The following ZNRF1 variants were observed in gnomAD, a reference collection of about 807,000 sequenced individuals.
ZNRF1 encodes zinc and ring finger 1, also known as E3 ubiquitin-protein ligase ZNRF1.
Under a neutral mutation model 18.4 loss-of-function variants are expected in ZNRF1, and 3 were observed. The ratio of observed to expected loss-of-function variants is 0.16; its 90% CI spans 0.07 to 0.42. The LOEUF is 0.42. Ranked by LOEUF, ZNRF1 falls within the 10% of genes least tolerant of loss-of-function variation. The probability of loss-of-function intolerance (pLI) is 0.99; values close to 1 mark genes in which losing one functional copy is unlikely to be tolerated. For missense variants in ZNRF1, 310 were observed against 329.8 expected (o/e 0.94, Z 0.47); for synonymous variants, 157 against 144.2 (o/e 1.09, Z -0.64).
chr16:75,029,980 TTGAAC>T (rs1298462334), intron 1 of ZNRF1, among the ~76,000 whole-genome samples: 1 of 151,306 alleles, frequency 6.6e-6, no homozygotes, highest in African/African-American at 2.4e-5. Flanking sequence ...GGAAGATTGC[TTGAAC>T]CCAGGAGGCA....
chr16:75,040,529 T>C (rs753940794), intron 1 of ZNRF1, among the ~76,000 whole-genome samples: 5 of 151,894 alleles, frequency 3.3e-5, no homozygotes, highest in South Asian at 2.1e-4. Context: ...ATAAATGAAA[T>C]CATACAGTAT....
At chr16:75,087,724 G>T (rs1246870268) in intron 1 of ZNRF1, among the ~76,000 whole-genome samples, 1 of 152,224 alleles carries the variant, frequency 6.6e-6, no homozygotes, top group African/African-American at 2.4e-5. Flanking sequence ...GGAACCCGGG[G>T]TACGTTCCCT....
intron 2 of ZNRF1, among the ~76,000 whole-genome samples, chr16:75,101,009 C>T (rs2036248487): frequency 6.6e-6 from 1 of 152,238 alleles, no homozygotes; most frequent in Admixed American, 6.5e-5. Flanking sequence ...TCTTGGCTCA[C>T]TGTAATCTCT....
intron 1 of ZNRF1, among the ~76,000 whole-genome samples, chr16:75,067,354 C>T (rs563419233): frequency 6.6e-6 from 1 of 152,148 alleles, no homozygotes; most frequent in African/African-American, 2.4e-5. Context: ...ACATAGACCC[C>T]ATGTCTCGAT....
chr16:75,011,971 A>G (rs761483306), intron 1 of ZNRF1, among the ~76,000 whole-genome samples: 11 of 151,738 alleles, frequency 7.2e-5, no homozygotes, highest in Non-Finnish European at 1.5e-4. Flanking sequence ...AATTTGTTTG[A>G]AAAAAAAATC....
At position 75,108,718 on chromosome 16, in the gene ZNRF1, C is replaced by T. The variant is rs180939034; in HGVS notation, c.*1018C>T. The T allele has an allele frequency of 1.2e-3, 455 of 393,724 alleles. 1 individual carries two copies. Among genetic ancestry groups the T allele is most frequent in the Non-Finnish European group, 1.7e-3 (376 of 223,478 alleles). The allele number at this position is 393,724 out of a possible 1,614,324, so 24.4% of individuals were successfully genotyped here. A position where few individuals can be genotyped will look rare whatever the true frequency, so the allele number is the denominator to read the frequency against. On this transcript the variant is annotated 3_prime_UTR_variant, in exon 5 of 5. Transcript: ENST00000335325. ...AAATGTCTAATAAAAGATGGCACTG[C>T]GTGATTTTATTTTAATGAAGTGTTA...
At chr16:75,083,360 A>T (rs946784178) in intron 1 of ZNRF1, among the ~76,000 whole-genome samples, 4 of 152,246 alleles carry the variant, frequency 2.6e-5, no homozygotes, top group African/African-American at 9.6e-5. Flanking sequence ...GTACAAGGCC[A>T]TCTGGCTAGT....
intron 1 of ZNRF1, among the ~76,000 whole-genome samples, chr16:75,064,771 C>A (rs572648894): frequency 6.6e-6 from 1 of 152,188 alleles, no homozygotes; most frequent in Non-Finnish European, 1.5e-5. Flanking sequence ...GAATGGAGAC[C>A]TTTTCAGGCT....
intron 1 of ZNRF1, among the ~76,000 whole-genome samples, chr16:75,059,366 G>C (rs996131901): frequency 1.3e-5 from 2 of 148,270 alleles, no homozygotes; most frequent in Non-Finnish European, 3.0e-5. Flanking sequence ...TCCTGCCTCA[G>C]CCTCCCAAGT....
chr16:75,008,316 T>C lies in ZNRF1; in HGVS notation c.424+8221T>C, dbSNP rs1333503445. On this transcript the variant is annotated intron_variant, in intron 1 of 4. Coordinates refer to ENST00000335325, the MANE Select transcript of ZNRF1 (RefSeq NM_032268.5). ...GGGACTAAGCATTATTGCCTACATA[T>C]AGGGCCAAGCCAATCTGCCTTGGTC... Among the ~76,000 whole-genome samples, 10 of 152,226 alleles carry C rather than the reference T, an allele frequency of 6.6e-5. No individual in the cohort carries two copies. The East Asian group carries it at 1.9e-3, about 29-fold the overall frequency.
At chr16:75,034,068 G>T (rs1163165827) in intron 1 of ZNRF1, among the ~76,000 whole-genome samples, 1 of 152,128 alleles carries the variant, frequency 6.6e-6, no homozygotes, top group Non-Finnish European at 1.5e-5. Flanking sequence ...TGAGCCAGGA[G>T]AATTGCTTGA....
At chr16:75,098,920 G>A (rs2036227587) in intron 2 of ZNRF1, among the ~76,000 whole-genome samples, 1 of 152,100 alleles carries the variant, frequency 6.6e-6, no homozygotes, top group South Asian at 2.1e-4. Context: ...TGTGTTGCCA[G>A]AACTCTGCAG....
intron 1 of ZNRF1, among the ~76,000 whole-genome samples, chr16:75,083,589 T>G (rs2036040734): frequency 1.3e-5 from 2 of 152,204 alleles, no homozygotes; most frequent in African/African-American, 2.4e-5. Context: ...ATTATTAGAT[T>G]ATCATATGGA....
intron 4 of ZNRF1, 72 bp downstream of exon 4, chr16:75,106,643 G>A: frequency 7.7e-7 from 1 of 1,293,880 alleles, no homozygotes; most frequent in East Asian, 2.4e-5. Context: ...TGCAGTTTAG[G>A]GAGCCGGGCT....
At chr16:75,103,517 A>G (rs1013902252) in intron 2 of ZNRF1, among the ~76,000 whole-genome samples, 1 of 151,826 alleles carries the variant, frequency 6.6e-6, no homozygotes, top group Non-Finnish European at 1.5e-5. Flanking sequence ...GGGCGGGGGG[A>G]AGGGGAGTGG....
chr16:75,042,551 C>T (rs1173232082), intron 1 of ZNRF1, among the ~76,000 whole-genome samples: 1 of 149,510 alleles, frequency 6.7e-6, no homozygotes, highest in African/African-American at 2.5e-5. Flanking sequence ...ATCAACTGGT[C>T]ATAAATGTAG....
chr16:75,033,811 A>G (rs2145353364), intron 1 of ZNRF1, among the ~76,000 whole-genome samples: 1 of 152,276 alleles, frequency 6.6e-6, no homozygotes, highest in Non-Finnish European at 1.5e-5. Context: ...GATGTTGTTT[A>G]AAGATTGTTA....
intron 1 of ZNRF1, among the ~76,000 whole-genome samples, chr16:75,058,416 T>TG (rs1366953504): frequency 1.3e-5 from 2 of 152,288 alleles, no homozygotes; most frequent in African/African-American, 4.8e-5. Flanking sequence ...ACACAATAAA[T>TG]GTTAGACCCA....
At chr16:75,100,014 G>T (rs2036238104) in intron 2 of ZNRF1, among the ~76,000 whole-genome samples, 1 of 152,308 alleles carries the variant, frequency 6.6e-6, no homozygotes, top group South Asian at 2.1e-4. Context: ...TGCTGTGGAA[G>T]AATGCTGCTC....
Sources: gnomAD v4.1 joint callset for allele counts (sites outside exome capture counted in the v4.1 genomes callset) on GRCh38, gnomAD v4.1.1 for gene constraint, MANE v1.5 for transcripts, NCBI Gene and HGNC (gene_info 2026-07-23, HGNC 2026-07-21) for gene names.